Variants in CTNNA3 observed in about 807,000 individuals in gnomAD.
CTNNA3 encodes the protein catenin alpha 3, also known as catenin alpha-3.
Under a neutral mutation model 95.7 loss-of-function variants are expected in CTNNA3, and 76 were observed. That is an observed-to-expected ratio of 0.79 (90% CI 0.66 to 0.96). The LOEUF is 0.96. Among genes scored for constraint, CTNNA3 ranks in the 40% least tolerant of loss-of-function variants. The pLI is 0.00. For synonymous variants in CTNNA3, 431 were observed against 374.4 expected (o/e 1.15, Z -1.74); for missense variants, 1,191 against 1,089.8 (o/e 1.09, Z -1.31).
chr10:67,291,867 A>G (rs1055703053), intron 5 of CTNNA3, among the ~76,000 whole-genome samples: 5 of 152,232 alleles, frequency 3.3e-5, no homozygotes, highest in Admixed American at 6.5e-5. Flanking sequence ...AGGCAAATTA[A>G]TTACAGAAAC....
At chr10:67,459,808 A>G (rs1224938010) in intron 5 of CTNNA3, among the ~76,000 whole-genome samples, 1 of 152,116 alleles carries the variant, frequency 6.6e-6, no homozygotes, top group Non-Finnish European at 1.5e-5. Flanking sequence ...ATATAACACT[A>G]CTTCTTATAC....
At chr10:66,787,594 CT>C (rs1840800698) in intron 7 of CTNNA3, among the ~76,000 whole-genome samples, 1 of 152,102 alleles carries the variant, frequency 6.6e-6, no homozygotes. Context: ...GACCTATCCC[CT>C]TGTCTAGTTT....
At chr10:67,484,765 G>A (rs1249590488) in intron 5 of CTNNA3, among the ~76,000 whole-genome samples, 1 of 151,730 alleles carries the variant, frequency 6.6e-6, no homozygotes, top group Non-Finnish European at 1.5e-5. Context: ...CCACCTCACA[G>A]AATGGCTATT....
intron 12 of CTNNA3, among the ~76,000 whole-genome samples, chr10:66,303,610 G>T (rs1466803040): frequency 6.6e-6 from 1 of 151,918 alleles, no homozygotes; most frequent in Admixed American, 6.6e-5. Context: ...AATACAAATG[G>T]TTAAGATCTT....
chr10:67,665,298 G>A (rs1297058763), intron 1 of CTNNA3, among the ~76,000 whole-genome samples: 2 of 152,064 alleles, frequency 1.3e-5, no homozygotes, highest in South Asian at 2.1e-4. Flanking sequence ...TAATATACTC[G>A]GAAAAGTAGA....
chr10:67,098,910 T>C (rs1246326726), intron 7 of CTNNA3: 2 of 151,898 alleles, frequency 1.3e-5, no homozygotes, highest in African/African-American at 2.4e-5. Context: ...GAGACCGGTA[T>C]TTTGGAAACA....
intron 11 of CTNNA3, among the ~76,000 whole-genome samples, chr10:66,412,969 C>T (rs1589215486): frequency 1.3e-5 from 2 of 152,238 alleles, no homozygotes; most frequent in East Asian, 3.9e-4. Flanking sequence ...AGATAACATA[C>T]ATCAAGTTTT....
chr10:66,421,062 A>G (rs191385581), intron 11 of CTNNA3, among the ~76,000 whole-genome samples: 1 of 152,288 alleles, frequency 6.6e-6, no homozygotes, highest in East Asian at 1.9e-4. Flanking sequence ...GTATATGTAT[A>G]CAATGGAATA....
intron 2 of CTNNA3, among the ~76,000 whole-genome samples, chr10:67,620,472 A>G (rs1330207424): frequency 3.9e-5 from 6 of 152,186 alleles, no homozygotes; most frequent in South Asian, 2.1e-4. Context: ...CTGAGCATTT[A>G]CCAAAAGGGA....
At chr10:66,602,771 G>C (rs1251077319) in intron 10 of CTNNA3, among the ~76,000 whole-genome samples, 1 of 151,854 alleles carries the variant, frequency 6.6e-6, no homozygotes, top group African/African-American at 2.4e-5. Flanking sequence ...TTCATCCCAG[G>C]GATGCAAGAA....
At chr10:67,247,033 C>T (rs571807097) in intron 5 of CTNNA3, among the ~76,000 whole-genome samples, 1 of 152,230 alleles carries the variant, frequency 6.6e-6, no homozygotes, top group South Asian at 2.1e-4. Context: ...AATCTTCAAC[C>T]ACAGCTAAAA....
At chr10:67,726,979 G>A (rs1283302679) in intron 1 of CTNNA3, among the ~76,000 whole-genome samples, 1 of 98,772 alleles carries the variant, frequency 1.0e-5, no homozygotes, top group South Asian at 3.0e-4. Flanking sequence ...TATAATATAC[G>A]ATACATATAT....
intron 9 of CTNNA3, among the ~76,000 whole-genome samples, chr10:66,690,843 T>C (rs1847500177): frequency 1.3e-5 from 2 of 152,284 alleles, no homozygotes; most frequent in African/African-American, 4.8e-5. Context: ...TACCCAGTAA[T>C]GGGATGGCTG....
chr10:66,208,674 T>G (rs1288954948), intron 13 of CTNNA3, among the ~76,000 whole-genome samples: 4 of 152,148 alleles, frequency 2.6e-5, no homozygotes, highest in Non-Finnish European at 4.4e-5. Context: ...GTATACATTT[T>G]GAAAAGTGAC....
chr10:67,289,936 A>T (rs768736583), intron 5 of CTNNA3, among the ~76,000 whole-genome samples: 14 of 151,870 alleles, frequency 9.2e-5, no homozygotes, highest in Non-Finnish European at 1.6e-4. Context: ...ACTACCTAGG[A>T]CTGCAGGCAT....
chr10:66,318,888 C>T (rs2092141335), intron 12 of CTNNA3, among the ~76,000 whole-genome samples: 1 of 151,824 alleles, frequency 6.6e-6, no homozygotes. Context: ...TTCAACTTCA[C>T]ATCACTGCAC....
intron 13 of CTNNA3, among the ~76,000 whole-genome samples, chr10:66,231,237 G>T (rs531432542): frequency 6.6e-6 from 1 of 152,096 alleles, no homozygotes; most frequent in African/African-American, 2.4e-5. Flanking sequence ...TCTTTTTTCT[G>T]CAGTGGAAAG....
At chr10:66,220,467 G>T (rs563069575) in intron 13 of CTNNA3, among the ~76,000 whole-genome samples, 1 of 152,242 alleles carries the variant, frequency 6.6e-6, no homozygotes, top group South Asian at 2.1e-4. Context: ...CAGAGTTTTG[G>T]AGGGTACCTG....
intron 9 of CTNNA3, among the ~76,000 whole-genome samples, chr10:66,692,096 G>C (rs1389225725): frequency 2.6e-5 from 4 of 152,200 alleles, no homozygotes; most frequent in Non-Finnish European, 4.4e-5. Context: ...ACCAGCAATG[G>C]AACAAAGCTG....
Sources: gnomAD v4.1 joint callset for allele counts (sites outside exome capture counted in the v4.1 genomes callset) on GRCh38, gnomAD v4.1.1 for gene constraint, MANE v1.5 for transcripts, NCBI Gene and HGNC (gene_info 2026-07-23, HGNC 2026-07-21) for gene names.